VAMP8: variants seen among roughly 807,000 people sequenced by gnomAD.
VAMP8 encodes the protein vesicle-associated membrane protein 8.
A neutral mutation model predicts 11.4 loss-of-function variants in VAMP8; 9 were observed. The observed-to-expected ratio is 0.79, with a 90% CI of 0.48 to 1.38. The LOEUF (loss-of-function observed/expected upper bound fraction) is 1.38. Among genes scored for constraint, VAMP8 ranks in the 40% most tolerant of loss-of-function variants. VAMP8 has a pLI of 0.00. For synonymous variants in VAMP8, 42 were observed against 44.7 expected, an observed-to-expected ratio of 0.94 and a Z score of 0.24; for missense variants, 108 against 127.8, an observed-to-expected ratio of 0.85 and a Z score of 0.75.
intron 2 of VAMP8, among the ~76,000 whole-genome samples, chr2:85,580,254 G>A (rs1672347586): frequency 6.6e-6 from 1 of 152,052 alleles, no homozygotes; most frequent in Admixed American, 6.6e-5. Flanking sequence ...GTCTGGACAA[G>A]CCCCAGGAAA....
chr2:85,578,333 C>A (rs553658574), intron 1 of VAMP8, among the ~76,000 whole-genome samples: 1 of 152,248 alleles, frequency 6.6e-6, no homozygotes, highest in Non-Finnish European at 1.5e-5. Context: ...TTTCCCCCAA[C>A]ACCCAGGCGG....
chr2:85,579,696 A>G (rs757276415), intron 2 of VAMP8: 4 of 1,538,954 alleles, frequency 2.6e-6, no homozygotes, highest in Non-Finnish European at 3.5e-6. Context: ...GGCTAAAATA[A>G]TATCTCCCAC....
At chr2:85,580,811 C>T (rs1301776798) in intron 2 of VAMP8, among the ~76,000 whole-genome samples, 4 of 151,492 alleles carry the variant, frequency 2.6e-5, no homozygotes, top group East Asian at 2.0e-4. Flanking sequence ...GGATTACAGG[C>T]GTCTGCCACC....
intron 2 of VAMP8, chr2:85,579,831 C>T: frequency 1.3e-6 from 2 of 1,550,700 alleles, no homozygotes; most frequent in Non-Finnish European, 1.7e-6. Flanking sequence ...AGCGGGGAGG[C>T]TGGCTCTGGC....
intron 2 of VAMP8, 58 bp downstream of exon 2, chr2:85,579,225 T>C: frequency 2.0e-6 from 3 of 1,484,534 alleles, no homozygotes; most frequent in Non-Finnish European, 1.8e-6. Flanking sequence ...GAATTTCTTT[T>C]TGGTGGGGCA....
intron 2 of VAMP8, chr2:85,579,810 G>C (rs1672339533): frequency 1.3e-6 from 2 of 1,550,618 alleles, no homozygotes; most frequent in Non-Finnish European, 1.7e-6. Flanking sequence ...GGAGCCTCAA[G>C]TTCTGTGTTC....
intron 2 of VAMP8, among the ~76,000 whole-genome samples, chr2:85,581,095 T>G (rs989033826): frequency 1.3e-5 from 2 of 152,106 alleles, no homozygotes; most frequent in African/African-American, 4.8e-5. Flanking sequence ...GTGGGAGGAT[T>G]GCTTGAGCCC....
At chr2:85,579,462 G>A (rs1267264653) in intron 2 of VAMP8, among the ~76,000 whole-genome samples, 1 of 152,226 alleles carries the variant, frequency 6.6e-6, no homozygotes, top group African/African-American at 2.4e-5. Context: ...TCTCTCCCGG[G>A]AAACTTGTTT....
Position 85,577,650 on chromosome 2 carries a change from G to A in VAMP8, c.3+1G>A. ...CCGGCCTGGGCTGCTCTGAGACATG[G>A]TGAGCCAACTGGGAACTAGGAAAGG... On this transcript the variant is annotated splice_donor_variant, in intron 1 of 2. Coordinates refer to ENST00000263864, the MANE Select transcript of VAMP8 (RefSeq NM_003761.5). LOFTEE classifies it high-confidence loss of function. 6.4e-7 allele frequency: 1 copy of A among 1,552,432 alleles called. No homozygotes were observed. Among genetic ancestry groups the A allele is most frequent in the Non-Finnish European group, 8.7e-7 (1 of 1,147,478 alleles).
chr2:85,579,899 G>A (rs1672341425), intron 2 of VAMP8: 1 of 1,544,960 alleles, frequency 6.5e-7, no homozygotes, highest in Non-Finnish European at 8.7e-7. Context: ...TCTCCCTGGG[G>A]CTCATTGCCT....
At chr2:85,580,659 ATTTTTTTTTTTTTTTT>A (rs372301674) in intron 2 of VAMP8, among the ~76,000 whole-genome samples, 16,972 of 105,030 alleles carry the variant, frequency 0.16, 1,243 homozygotes, top group South Asian at 0.25. Flanking sequence ...CAGATACAGC[ATTTTTTTTTTTTTTTT>A]TTTTTTTTTG....
At position 85,579,063 on chromosome 2, in the gene VAMP8, G is replaced by A. The variant is rs774836084; in HGVS notation, c.58G>A (p.Val20Met). 3.1e-6 allele frequency: 5 copies of A among 1,608,522 alleles called. No homozygotes were observed. Among genetic ancestry groups the A allele is most frequent in the Admixed American group, 3.4e-5 (2 of 59,382 alleles). Residue 20 changes from valine to methionine, a missense_variant, in exon 2 of 3, where the codon GTG (valine) becomes ATG (methionine). Transcript: ENST00000263864. Reference sequence around the variant, plus strand: ...TCGTGTGCGGAACCTGCAAAGTGAGGTGGAGGGAGTTAAGAATATTATGAC... The same window carrying A: ...TCGTGTGCGGAACCTGCAAAGTGAGATGGAGGGAGTTAAGAATATTATGAC... ...NDRVRNLQSE[V>M]EGVKNIMTQN...
intron 1 of VAMP8, among the ~76,000 whole-genome samples, chr2:85,578,779 C>T (rs1446457903): frequency 6.6e-6 from 1 of 152,170 alleles, no homozygotes; most frequent in East Asian, 1.9e-4. Flanking sequence ...CTAATAACCC[C>T]AAAAGAAGTT....
chr2:85,579,821 A>G, intron 2 of VAMP8: 1 of 1,550,706 alleles, frequency 6.4e-7, no homozygotes, highest in Non-Finnish European at 8.7e-7. Context: ...TTCTGTGTTC[A>G]GCGGGGAGGC....
chr2:85,579,978 C>T, intron 2 of VAMP8: 2 of 1,405,942 alleles, frequency 1.4e-6, no homozygotes, highest in Non-Finnish European at 1.9e-6. Context: ...TTTTTTTAGA[C>T]AGAGCCTCAC....
chr2:85,581,453 C>A, intron 2 of VAMP8, 123 bp from the exon 3 acceptor site: 1 of 1,243,530 alleles, frequency 8.0e-7, no homozygotes, highest in Non-Finnish European at 1.1e-6. Context: ...GCCTGAGTGA[C>A]AGAGCGAGAC....
Position 85,579,120 on chromosome 2 carries a change from G to A in VAMP8, c.115G>A (p.Glu39Lys), listed in dbSNP as rs1462515529. 8 of 1,608,128 alleles carry A rather than the reference G, an allele frequency of 5.0e-6. No individual in the cohort carries two copies. The highest frequency in any genetic ancestry group is 1.1e-5 in the South Asian group (1 of 90,054). ...TGTGGAGCGGATCCTGGCCCGGGGG[G>A]AAAACTTGGAACATCTCCGCAACAA... is the stretch of plus-strand genomic sequence containing the variant. Reference protein sequence around the residue: ...QNVERILARGENLEHLRNKTE... With the variant: ...QNVERILARGKNLEHLRNKTE... Residue 39 changes from glutamate to lysine, a missense_variant, in exon 2 of 3, where the codon GAA (glutamate) becomes AAA (lysine). Transcript: ENST00000263864.
At chr2:85,578,977 C>T (rs1426511385) in intron 1 of VAMP8, 32 bp from the exon 2 acceptor site, 1 of 1,585,418 alleles carries the variant, frequency 6.3e-7, no homozygotes, top group Admixed American at 1.8e-5. Context: ...TCCCCCACCA[C>T]TTGGTCTAAT....
At position 85,581,807 on chromosome 2, in the gene VAMP8, A is replaced by G; in HGVS notation, c.*91A>G. The G allele has an allele frequency of 6.5e-7, 1 of 1,547,190 alleles. No individual in the cohort carries two copies. Among genetic ancestry groups the G allele is most frequent in the East Asian group, 2.2e-5 (1 of 44,506 alleles). ...AGGGTCTCCTTTCCTGTCTTCCTCT[A>G]CAGAGAATGCTGCTCGGTCCTCCTA... On this transcript the variant is annotated 3_prime_UTR_variant, in exon 3 of 3. Transcript: ENST00000263864.
Sources: gnomAD v4.1 joint callset for allele counts (sites outside exome capture counted in the v4.1 genomes callset) on GRCh38, gnomAD v4.1.1 for gene constraint, MANE v1.5 for transcripts, NCBI Gene and HGNC (gene_info 2026-07-23, HGNC 2026-07-21) for gene names.